The following TTLL5 variants were observed in gnomAD, a reference collection of about 807,000 sequenced individuals.
The protein encoded by TTLL5 is tubulin polyglutamylase TTLL5.
A neutral mutation model predicts 168.4 loss-of-function variants in TTLL5; 132 were observed. The ratio of observed to expected loss-of-function variants is 0.78; its 90% confidence interval spans 0.68 to 0.91. The LOEUF is 0.91. Ranked by LOEUF, TTLL5 falls within the 40% of genes least tolerant of loss-of-function variation. TTLL5 has a pLI of 0.00. For synonymous variants in TTLL5, 546 were observed against 558.6 expected (o/e 0.98, Z 0.32); for missense variants, 1,545 against 1,581.5 (o/e 0.98, Z 0.39).
In TTLL5 at chr14:75,669,399, C is replaced by T; in HGVS notation, c.75-17C>T. On this transcript the variant is annotated splice_polypyrimidine_tract_variant and intron_variant, in intron 2 of 31. Coordinates refer to ENST00000298832, the MANE Select transcript of TTLL5 (RefSeq NM_015072.5). The stretch of plus-strand genomic sequence containing the variant: ...GTTTTGAGCTGTAAATTAATGAAGG[C>T]TTTTTTGTCGTTATAGGGATCATCC... 6.2e-7 allele frequency: 1 copy of T among 1,602,714 alleles called. No homozygotes were observed. Among genetic ancestry groups the T allele is most frequent in the Non-Finnish European group, 8.5e-7 (1 of 1,171,588 alleles).
intron 30 of TTLL5, chr14:75,887,123 A>G (rs1318236039): frequency 1.2e-5 from 13 of 1,071,986 alleles, no homozygotes; most frequent in Non-Finnish European, 1.5e-5. Flanking sequence ...CACCCAGGAC[A>G]GTGGTGTCTG....
Position 75,833,599 on chromosome 14 carries a change from A to G in TTLL5, c.3326+13438A>G, listed in dbSNP as rs779945105. Among the ~76,000 whole-genome samples, 46 of 152,328 alleles carry G rather than the reference A, an allele frequency of 3.0e-4. No homozygotes were observed. In the Middle Eastern group the frequency reaches 0.01, roughly 34 times the overall value. On this transcript the variant is annotated intron_variant, in intron 28 of 31. Transcript: ENST00000298832. Reference sequence around the variant, plus strand: ...AATAGAGAATAAATGCCTACTTCCTAGGGATGTTCTCAGGAGCAAATGAAA... The same window carrying G: ...AATAGAGAATAAATGCCTACTTCCTGGGGATGTTCTCAGGAGCAAATGAAA...
intron 31 of TTLL5, 90 bp from the exon 32 acceptor site, chr14:75,954,334 G>T: frequency 7.5e-7 from 1 of 1,341,680 alleles, no homozygotes; most frequent in South Asian, 1.2e-5. Flanking sequence ...TTATTCTTCA[G>T]TGATGTTAGA....
At chr14:75,700,403 T>C (rs1454643336) in intron 7 of TTLL5, among the ~76,000 whole-genome samples, 1 of 152,196 alleles carries the variant, frequency 6.6e-6, no homozygotes, top group Non-Finnish European at 1.5e-5. Flanking sequence ...ATGATGGAGT[T>C]TAACTGGTAT....
Position 75,745,096 on chromosome 14 carries a change from G to A in TTLL5, c.1283G>A (p.Arg428His), listed in dbSNP as rs201637928. 1.2e-5 allele frequency: 20 copies of A among 1,613,436 alleles called. No homozygotes were observed. The highest frequency in any genetic ancestry group is 5.3e-5 in the African/African-American group (4 of 74,864). Residue 428 changes from arginine to histidine, a missense_variant and splice_region_variant, in exon 16 of 32, where the codon CGT (arginine) becomes CAT (histidine). Arg to His is a conservative substitution (Grantham distance 29). Coordinates refer to ENST00000298832, the MANE Select transcript of TTLL5 (RefSeq NM_015072.5). Reference sequence around the variant, plus strand: ...CTATTTTCATTTTCTTCTCCTTAGCGTTGCCGTCCACTCTCTGCCAGTGAT... The same window carrying A: ...CTATTTTCATTTTCTTCTCCTTAGCATTGCCGTCCACTCTCTGCCAGTGAT... ...SRRNPFQKPQ[R>H]CRPLSASDAE...
chr14:75,764,905 C>T, intron 19 of TTLL5, 133 bp downstream of exon 19: 2 of 1,030,068 alleles, frequency 1.9e-6, no homozygotes, highest in Non-Finnish European at 2.7e-6. Context: ...AGTTTTTTCT[C>T]TGAAACTTAA....
chr14:75,690,670 A>C (rs1474316163), intron 6 of TTLL5, among the ~76,000 whole-genome samples: 1 of 151,778 alleles, frequency 6.6e-6, no homozygotes, highest in African/African-American at 2.4e-5. Context: ...GTAGCCCAGA[A>C]CCACAGTGGC....
intron 2 of TTLL5, 148 bp from the exon 3 acceptor site, chr14:75,669,268 A>G: frequency 1.5e-6 from 1 of 689,058 alleles, no homozygotes; most frequent in Non-Finnish European, 2.4e-6. Flanking sequence ...ACAGCTAAGA[A>G]TGGGAGATGT....
intron 31 of TTLL5, among the ~76,000 whole-genome samples, chr14:75,905,568 C>A (rs1442291428): frequency 6.6e-6 from 1 of 152,116 alleles, no homozygotes; most frequent in Non-Finnish European, 1.5e-5. Flanking sequence ...TAGTAGTTTG[C>A]TGTGGAAGGG....
At chr14:75,859,097 G>T (rs924439182) in intron 28 of TTLL5, among the ~76,000 whole-genome samples, 2 of 152,186 alleles carry the variant, frequency 1.3e-5, no homozygotes, top group Non-Finnish European at 2.9e-5. Context: ...AAGATGGACC[G>T]TGGAATCACC....
intron 31 of TTLL5, among the ~76,000 whole-genome samples, chr14:75,946,698 A>G (rs1032922127): frequency 1.3e-5 from 2 of 152,224 alleles, no homozygotes; most frequent in Non-Finnish European, 2.9e-5. Context: ...CAACAGACCA[A>G]ATAAGTAACA....
chr14:75,947,685 C>T (rs1208850771), intron 31 of TTLL5, among the ~76,000 whole-genome samples: 2 of 152,052 alleles, frequency 1.3e-5, no homozygotes, highest in Admixed American at 6.6e-5. Context: ...TGGTTCACAC[C>T]CATAAACCCA....
At chr14:75,823,459 A>AT (rs1894948803) in intron 28 of TTLL5, among the ~76,000 whole-genome samples, 1 of 152,078 alleles carries the variant, frequency 6.6e-6, no homozygotes, top group Non-Finnish European at 1.5e-5. Flanking sequence ...GCTTGGAATG[A>AT]TTTGGGAAGA....
At chr14:75,777,228 C>T (rs1342816500) in intron 23 of TTLL5, among the ~76,000 whole-genome samples, 1 of 152,076 alleles carries the variant, frequency 6.6e-6, no homozygotes, top group Non-Finnish European at 1.5e-5. Context: ...TTCTCGACAG[C>T]CTTCACAGTG....
chr14:75,901,890 A>G (rs1199800552), intron 30 of TTLL5, among the ~76,000 whole-genome samples: 2 of 152,370 alleles, frequency 1.3e-5, no homozygotes, highest in East Asian at 1.9e-4. Flanking sequence ...ATGAAGGCCC[A>G]TGCTTTCTTG....
At chr14:75,832,259 T>C (rs1161174594) in intron 28 of TTLL5, among the ~76,000 whole-genome samples, 1 of 152,100 alleles carries the variant, frequency 6.6e-6, no homozygotes, top group Non-Finnish European at 1.5e-5. Context: ...GCTGGGGAGG[T>C]AGAATACACC....
At chr14:75,945,435 T>G (rs2034741188) in intron 31 of TTLL5, among the ~76,000 whole-genome samples, 2 of 151,460 alleles carry the variant, frequency 1.3e-5, no homozygotes, top group Non-Finnish European at 2.9e-5. Flanking sequence ...TTTTATATTT[T>G]TAGTAGAGAC....
At chr14:75,743,674 T>G (rs967761373) in intron 15 of TTLL5, among the ~76,000 whole-genome samples, 16 of 140,088 alleles carry the variant, frequency 1.1e-4, no homozygotes, top group African/African-American at 3.2e-4. Context: ...CTCCGCCTCC[T>G]GGGTTCACGC....
intron 23 of TTLL5, among the ~76,000 whole-genome samples, chr14:75,778,084 A>G (rs952353465): frequency 6.6e-6 from 1 of 152,292 alleles, no homozygotes; most frequent in Admixed American, 6.5e-5. Context: ...CCTAAAATAT[A>G]TATTTTAAAA....
Sources: allele counts gnomAD v4.1 joint callset (sites outside exome capture counted in the v4.1 genomes callset), GRCh38; gene constraint gnomAD v4.1.1; transcripts MANE v1.5; gene names NCBI Gene and HGNC (gene_info 2026-07-23, HGNC 2026-07-21).